Variants in ERI1 observed in about 807,000 individuals in gnomAD.
ERI1 encodes the protein 3'-5' exoribonuclease 1.
ERI1 carries 39 observed loss-of-function variants against 39.7 expected under a neutral mutation model. The ratio of observed to expected loss-of-function variants is 0.98; its 90% CI spans 0.76 to 1.28. The LOEUF (loss-of-function observed/expected upper bound fraction) is 1.28, where lower values mean the gene tolerates loss of function less well. ERI1 is among the 50% of genes most tolerant of loss of function. The pLI, the probability that ERI1 is intolerant of heterozygous loss-of-function variation, is 0.00. For missense variants in ERI1, 581 were observed against 416.9 expected (o/e 1.39, Z -3.43); for synonymous variants, 204 against 149.6 (o/e 1.36, Z -2.65).
At chr8:9,064,533 G>A (rs2979252) in intron 3 of ERI1, among the ~76,000 whole-genome samples, 91,778 of 151,848 alleles carry the variant, frequency 0.6, 28,205 homozygotes, top group East Asian at 0.78. Flanking sequence ...AAAATGAAAG[G>A]AATTGAAATT....
intron 3 of ERI1, among the ~76,000 whole-genome samples, chr8:9,095,732 G>C (rs894941490): frequency 6.6e-6 from 1 of 151,976 alleles, no homozygotes; most frequent in Non-Finnish European, 1.5e-5. Context: ...TGTTGCCCAC[G>C]CTGGCCTTGA....
At chr8:9,083,327 T>C (rs549954158) in intron 3 of ERI1, among the ~76,000 whole-genome samples, 1 of 152,218 alleles carries the variant, frequency 6.6e-6, no homozygotes, top group Non-Finnish European at 1.5e-5. Context: ...AAAGATCTCT[T>C]ATTACATGGT....
intron 3 of ERI1, chr8:9,096,706 ATCTT>A (rs1799886396): frequency 1.1e-5 from 1 of 90,048 alleles, no homozygotes; most frequent in African/African-American, 4.0e-5. Flanking sequence ...TTCTATTGCC[ATCTT>A]TTTTTTTTTT....
chr8:9,006,731 T>G (rs1327588257), intron 1 of ERI1, among the ~76,000 whole-genome samples: 2 of 152,212 alleles, frequency 1.3e-5, no homozygotes, highest in Non-Finnish European at 2.9e-5. Context: ...GTTCTTTAAT[T>G]TATGGACAGT....
intron 5 of ERI1, 100 bp downstream of exon 5, chr8:9,018,506 G>T (rs554410495): frequency 1.5e-6 from 1 of 678,644 alleles, no homozygotes; most frequent in African/African-American, 1.8e-5. Context: ...TATTATTAGA[G>T]ACCCTAGAGT....
chr8:9,089,128 C>T (rs1239804779), intron 3 of ERI1, among the ~76,000 whole-genome samples: 1 of 152,162 alleles, frequency 6.6e-6, no homozygotes, highest in Non-Finnish European at 1.5e-5. Flanking sequence ...TAACATGGTT[C>T]CCGCTTCACT....
chr8:9,047,472 C>A (rs918876489), intron 3 of ERI1, among the ~76,000 whole-genome samples: 13 of 152,058 alleles, frequency 8.5e-5, no homozygotes, highest in African/African-American at 3.1e-4. Flanking sequence ...GAAAATGTCA[C>A]CTGACCAGCC....
At chr8:9,062,722 T>C (rs377702164) in intron 3 of ERI1, 75 of 151,378 alleles carry the variant, frequency 5.0e-4, no homozygotes, top group African/African-American at 1.7e-3. Flanking sequence ...TGAGAAGATC[T>C]GGGAAGGAGT....
intron 3 of ERI1, among the ~76,000 whole-genome samples, chr8:9,080,510 C>G (rs1483066562): frequency 4.6e-5 from 7 of 152,220 alleles, no homozygotes; most frequent in East Asian, 3.8e-4. Flanking sequence ...CAGAGAGGCC[C>G]TGACACTTCT....
chr8:9,022,674 A>T (rs1818042091), intron 6 of ERI1, among the ~76,000 whole-genome samples: 1 of 152,208 alleles, frequency 6.6e-6, no homozygotes, highest in Non-Finnish European at 1.5e-5. Context: ...TGCTGGGATT[A>T]TAGGCGTGAG....
chr8:9,072,574 C>T (rs565250311), intron 3 of ERI1: 25 of 152,218 alleles, frequency 1.6e-4, no homozygotes, highest in African/African-American at 5.5e-4. Context: ...CCGTCGCCGC[C>T]TCTATCTCTG....
At chr8:9,096,490 C>G (rs999649067) in intron 3 of ERI1, among the ~76,000 whole-genome samples, 27 of 152,182 alleles carry the variant, frequency 1.8e-4, no homozygotes, top group African/African-American at 6.0e-4. Context: ...AGGAGAGGCA[C>G]CATGAAAGAA....
At chr8:9,051,221 G>T (rs1033467550) in intron 3 of ERI1, among the ~76,000 whole-genome samples, 18 of 151,826 alleles carry the variant, frequency 1.2e-4, no homozygotes, top group African/African-American at 4.4e-4. Context: ...TATGGTGGCT[G>T]AGAAGTCCAC....
chr8:9,071,289 T>A (rs567224059), intron 3 of ERI1, among the ~76,000 whole-genome samples: 106 of 152,336 alleles, frequency 7.0e-4, no homozygotes, highest in African/African-American at 2.5e-3. Context: ...TCAAAGCAGC[T>A]TCAGTGTTTG....
chr8:9,004,806 G>C (rs1396187800), intron 1 of ERI1, among the ~76,000 whole-genome samples: 1 of 150,222 alleles, frequency 6.7e-6, no homozygotes, highest in Non-Finnish European at 1.5e-5. Context: ...TCGTGCCTCA[G>C]CCTCCCTAGT....
chr8:9,027,510 T>G (rs1258686717), intron 6 of ERI1, among the ~76,000 whole-genome samples: 6 of 152,234 alleles, frequency 3.9e-5, no homozygotes, highest in Non-Finnish European at 8.8e-5. Context: ...TTATTTTTTC[T>G]TTTGTTGCCT....
At chr8:9,028,986 T>TC (rs1483958955) in intron 6 of ERI1, among the ~76,000 whole-genome samples, 106 of 150,586 alleles carry the variant, frequency 7.0e-4, no homozygotes, top group African/African-American at 2.4e-3. Flanking sequence ...TTTTTTTTTT[T>TC]TTTTTTTTTT....
intron 2 of ERI1, 147 bp downstream of exon 2, chr8:9,008,295 T>C (rs1816263251): frequency 1.4e-6 from 1 of 723,006 alleles, no homozygotes; most frequent in Non-Finnish European, 2.1e-6. Context: ...TTAACATTTT[T>C]TATGTGCAAC....
chr8:9,087,576 T>G (rs376738432), intron 3 of ERI1, among the ~76,000 whole-genome samples: 17 of 152,282 alleles, frequency 1.1e-4, no homozygotes, highest in East Asian at 9.6e-4. Flanking sequence ...TTTTGATTTT[T>G]ATTTTTTATT....
Sources: allele counts gnomAD v4.1 joint callset (sites outside exome capture counted in the v4.1 genomes callset), GRCh38; gene constraint gnomAD v4.1.1; transcripts MANE v1.5; gene names NCBI Gene and HGNC (gene_info 2026-07-23, HGNC 2026-07-21).